ZNF44: variants seen among roughly 807,000 people sequenced by gnomAD.
ZNF44 encodes zinc finger protein 44.
In ZNF44, 9 loss-of-function variants were observed where a neutral mutation model predicts 11.7. The ratio of observed to expected loss-of-function variants is 0.77; its 90% CI spans 0.46 to 1.35. ZNF44 has a LOEUF of 1.35. ZNF44 is among the 40% of genes most tolerant of loss of function. ZNF44 has a pLI of 0.00. For synonymous variants in ZNF44, 224 were observed against 242.7 expected (o/e 0.92, Z 0.72); for missense variants, 696 against 743.1 (o/e 0.94, Z 0.74).
At chr19:12,258,509 A>T (rs531184049) in intron 5 of ZNF44, among the ~76,000 whole-genome samples, 1 of 152,118 alleles carries the variant, frequency 6.6e-6, no homozygotes, top group East Asian at 1.9e-4. Flanking sequence ...CATTTTGTCA[A>T]TCTAATTTGT....
At chr19:12,294,553 G>C in intron 1 of ZNF44, 139 bp downstream of exon 1, 2 of 1,231,154 alleles carry the variant, frequency 1.6e-6, no homozygotes, top group South Asian at 1.5e-5. Context: ...AACGGACCGA[G>C]GACCGAGGTG....
downstream of ZNF44, among the ~76,000 whole-genome samples, chr19:12,225,590 C>T (rs185210020): frequency 5.5e-4 from 84 of 152,204 alleles, no homozygotes; most frequent in East Asian, 0.011. Context: ...AATAATTAAG[C>T]GAAATGCTAT....
chr19:12,266,903 T>G (rs1917753667), downstream of ZNF44, among the ~76,000 whole-genome samples: 5 of 151,938 alleles, frequency 3.3e-5, no homozygotes, highest in Admixed American at 3.3e-4. Flanking sequence ...GCAGGAGGGG[T>G]GCCTAGACCA....
chr19:12,272,595 G>A lies in ZNF44; in HGVS notation c.1660C>T (p.His554Tyr), dbSNP rs759989149. ...CATTCATAGGGTCTTTCTCCAGTGT[G>A]AGTCCTTTCATGTCTTAGAAGGAAA... ...PSFLLRHERTHTGERPYECKH... is the reference protein window; with the variant it reads ...PSFLLRHERTYTGERPYECKH... Residue 554 changes from histidine (H) to tyrosine (Y), a missense_variant, in exon 4 of 4, where the codon CAC becomes TAC. Coordinates refer to ENST00000355684, the MANE Select transcript of ZNF44 (RefSeq NM_016264.4). 4 of 1,613,326 alleles carry A rather than the reference G, an allele frequency of 2.5e-6. No homozygotes were observed. Among genetic ancestry groups the A allele is most frequent in the Non-Finnish European group, 3.4e-6 (4 of 1,179,726 alleles).
At chr19:12,226,766 C>T (rs1915935073) in intron 3 of ZNF44, among the ~76,000 whole-genome samples, 1 of 152,164 alleles carries the variant, frequency 6.6e-6, no homozygotes, top group Non-Finnish European at 1.5e-5. Context: ...TTAAGCAATA[C>T]GTTAAAAAGA....
intron 2 of ZNF44, 128 bp downstream of exon 2, chr19:12,275,828 G>T: frequency 8.1e-7 from 1 of 1,230,416 alleles, no homozygotes; most frequent in Non-Finnish European, 1.1e-6. Flanking sequence ...TTGGGGCCTG[G>T]CACTTCACCC....
intron 5 of ZNF44, among the ~76,000 whole-genome samples, chr19:12,252,353 G>A (rs951726213): frequency 2.0e-5 from 3 of 152,128 alleles, no homozygotes; most frequent in South Asian, 2.1e-4. Context: ...AAATGAGTCC[G>A]TAGTACTTTC....
intron 1 of ZNF44, among the ~76,000 whole-genome samples, chr19:12,276,347 C>T (rs1967218808): frequency 6.6e-6 from 1 of 152,150 alleles, no homozygotes; most frequent in Non-Finnish European, 1.5e-5. Context: ...TGGATTACTC[C>T]TAATGTCTGT....
chr19:12,274,065 T>C lies in ZNF44; in HGVS notation c.192-2A>G. The C allele has an allele frequency of 6.3e-7, 1 of 1,592,586 alleles. No individual in the cohort carries two copies. The highest frequency in any genetic ancestry group is 1.3e-5 in the African/African-American group (1 of 74,102). ...CCAAATCTCTCTACCACATCACACCTGTAAAAAATGAAAAGTACATTACTA... is the reference window on the plus strand; with the variant it reads ...CCAAATCTCTCTACCACATCACACCCGTAAAAAATGAAAAGTACATTACTA... On this transcript the variant is annotated splice_acceptor_variant, in intron 3 of 3. Coordinates refer to ENST00000355684, the MANE Select transcript of ZNF44 (RefSeq NM_016264.4). LOFTEE classifies it high-confidence loss of function.
intron 5 of ZNF44, among the ~76,000 whole-genome samples, chr19:12,255,906 C>G (rs557033174): frequency 6.6e-6 from 1 of 151,736 alleles, no homozygotes. Flanking sequence ...CGTGGTGACA[C>G]GTGCCTGTAA....
At chr19:12,274,467 G>GT in intron 3 of ZNF44, among the ~76,000 whole-genome samples, 1 of 151,508 alleles carries the variant, frequency 6.6e-6, no homozygotes, top group Non-Finnish European at 1.5e-5. Context: ...TAGAGATGGG[G>GT]TTTCACCATG....
downstream of ZNF44, among the ~76,000 whole-genome samples, chr19:12,246,325 C>T (rs1438869019): frequency 6.6e-6 from 1 of 152,038 alleles, no homozygotes; most frequent in Admixed American, 6.6e-5. Context: ...AGAAAAAGAG[C>T]AAAATATGGA....
rs749143102 is a variant in ZNF44 at position 12,273,492 on chromosome 19, A to C, written c.763T>G (p.Cys255Gly). The change falls in exon 4 of 4, where the codon TGT (cysteine) becomes GGT (glycine). Residue 255 changes from cysteine to glycine, a missense_variant. By Grantham distance (159) the Cys-to-Gly change is radical. Transcript: ENST00000355684. ...GGGAAGGCTTTAGAACACTGCTTAC[A>C]TTCATACGGTTTCTCCCCAGTGTGT... The part of the protein sequence containing the change: ...KIHTGEKPYE[C>G]KQCSKAFPDY... The C allele has an allele frequency of 6.2e-7, 1 of 1,614,146 alleles. No homozygotes were observed. Among genetic ancestry groups the C allele is most frequent in the Non-Finnish European group, 8.5e-7 (1 of 1,180,032 alleles).
downstream of ZNF44, among the ~76,000 whole-genome samples, chr19:12,268,159 CACACACACACACACACACACACA>C (rs1373966215): frequency 3.5e-5 from 5 of 143,394 alleles, no homozygotes; most frequent in East Asian, 1.1e-3. Flanking sequence ...CACACACACA[CACACACACACACACACACACACA>C]AGCTCCTTCC....
chr19:12,269,863 G>C (rs1966898044), downstream of ZNF44, among the ~76,000 whole-genome samples: 1 of 152,132 alleles, frequency 6.6e-6, no homozygotes, highest in African/African-American at 2.4e-5. Flanking sequence ...CATCTCATCA[G>C]AAAACACTCA....
At position 12,272,161 on chromosome 19, in the gene ZNF44, T is replaced by TC; in HGVS notation, c.*245_*246insG. The TC allele has an allele frequency of 2.5e-6, 1 of 393,764 alleles. No individual in the cohort carries two copies. Among genetic ancestry groups the TC allele is most frequent in the Non-Finnish European group, 4.0e-6 (1 of 252,574 alleles). The allele number at this position is 393,764 out of a possible 1,614,324, so 24.4% of individuals were successfully genotyped here. A position where few individuals can be genotyped will look rare whatever the true frequency, so the allele number is the denominator to read the frequency against. On this transcript the variant is annotated 3_prime_UTR_variant, in exon 4 of 4. Coordinates refer to ENST00000355684, the MANE Select transcript of ZNF44 (RefSeq NM_016264.4). ...ACAGGTGTGAGCAACTATGCCTGGCTATTTTTTTTTTTTTCCGTATTTTTA... is the reference window on the plus strand; with the variant it reads ...ACAGGTGTGAGCAACTATGCCTGGCTCATTTTTTTTTTTTTCCGTATTTTTA...
chr19:12,284,648 G>C, intron 1 of ZNF44: 1 of 757,998 alleles, frequency 1.3e-6, no homozygotes, highest in Non-Finnish European at 2.3e-6. Context: ...TGCAGAAGCA[G>C]ACCCGTGCCG....
At chr19:12,265,108 A>T (rs1917675697) in intron 5 of ZNF44, among the ~76,000 whole-genome samples, 1 of 152,172 alleles carries the variant, frequency 6.6e-6, no homozygotes, top group African/African-American at 2.4e-5. Context: ...TCAGAAACTT[A>T]GAAGAAAAAG....
intron 1 of ZNF44, among the ~76,000 whole-genome samples, chr19:12,277,788 T>C (rs1169503669): frequency 1.3e-5 from 2 of 152,198 alleles, no homozygotes; most frequent in Non-Finnish European, 2.9e-5. Flanking sequence ...ATTATTGCCT[T>C]TGTATTTTTG....
Sources: gnomAD v4.1 joint callset for allele counts (sites outside exome capture counted in the v4.1 genomes callset) on GRCh38, gnomAD v4.1.1 for gene constraint, MANE v1.5 for transcripts, NCBI Gene and HGNC (gene_info 2026-07-23, HGNC 2026-07-21) for gene names.